Variants in KHDRBS2 observed in about 807,000 individuals in gnomAD.
KHDRBS2 encodes KH RNA binding domain containing, signal transduction associated 2, also known as KH domain-containing, RNA-binding, signal transduction-associated protein 2.
A neutral mutation model predicts 44.3 loss-of-function variants in KHDRBS2; 26 were observed. That is an observed-to-expected ratio of 0.59 (90% confidence interval 0.43 to 0.81). The LOEUF is 0.81. KHDRBS2 is among the 40% of genes least tolerant of loss of function. KHDRBS2 has a pLI of 0.00. For missense variants in KHDRBS2, 476 were observed against 433.1 expected (o/e 1.10, Z -0.88); for synonymous variants, 194 against 151.1 (o/e 1.28, Z -2.08).
chr6:62,058,445 A>C (rs1702041716), intron 2 of KHDRBS2, among the ~76,000 whole-genome samples: 2 of 151,914 alleles, frequency 1.3e-5, no homozygotes, highest in Non-Finnish European at 2.9e-5. Context: ...GAATTCACAC[A>C]GCGACTGTTC....
At chr6:61,847,277 T>C (rs1439565329) in intron 6 of KHDRBS2, among the ~76,000 whole-genome samples, 32 of 152,150 alleles carry the variant, frequency 2.1e-4, no homozygotes, top group Admixed American at 2.0e-3. Context: ...AGAAAACTTA[T>C]ATTTGTAAAT....
intron 4 of KHDRBS2, among the ~76,000 whole-genome samples, chr6:61,971,339 T>C (rs1328593480): frequency 6.6e-6 from 1 of 152,120 alleles, no homozygotes; most frequent in Non-Finnish European, 1.5e-5. Context: ...GAAGAATCAA[T>C]ACATTTTTCA....
intron 3 of KHDRBS2, among the ~76,000 whole-genome samples, chr6:62,034,801 A>G (rs1362700861): frequency 2.0e-5 from 3 of 151,856 alleles, no homozygotes; most frequent in Non-Finnish European, 2.9e-5. Flanking sequence ...AAAAAATCTA[A>G]TAATCTGATT....
intron 1 of KHDRBS2, among the ~76,000 whole-genome samples, chr6:62,228,710 C>A (rs1263072286): frequency 2.6e-5 from 4 of 151,908 alleles, no homozygotes; most frequent in Non-Finnish European, 5.9e-5. Flanking sequence ...TAGCTGTGTC[C>A]CAGCTAATCT....
chr6:62,065,475 C>A (rs1793391804), intron 2 of KHDRBS2, among the ~76,000 whole-genome samples: 1 of 151,796 alleles, frequency 6.6e-6, no homozygotes, highest in African/African-American at 2.4e-5. Context: ...GAGTTCATAT[C>A]CTTTGTAGGG....
In KHDRBS2 at chr6:61,814,175, G is replaced by A. The variant is rs1294667000; in HGVS notation, c.810+80460C>T. ...AACAGATATCAAGTGAATTCTTCAG[G>A]ATGGAATGGTGTTTACTTATTGAAT... On this transcript the variant is annotated intron_variant, in intron 6 of 8. Coordinates refer to ENST00000281156, the MANE Select transcript of KHDRBS2 (RefSeq NM_152688.4). Among the ~76,000 whole-genome samples, 13 of 152,304 alleles carry A rather than the reference G, an allele frequency of 8.5e-5. 1 individual carries two copies. In the Middle Eastern group the frequency reaches 0.01, roughly 120 times the overall value.
At chr6:61,779,173 A>G (rs1401971694) in intron 6 of KHDRBS2, among the ~76,000 whole-genome samples, 1 of 152,148 alleles carries the variant, frequency 6.6e-6, no homozygotes, top group Non-Finnish European at 1.5e-5. Context: ...TACATTAAAT[A>G]TATAAATGTA....
intron 6 of KHDRBS2, among the ~76,000 whole-genome samples, chr6:61,806,484 C>A (rs62416609): frequency 0.18 from 27,498 of 152,148 alleles, 2,604 homozygotes; most frequent in Non-Finnish European, 0.2. Context: ...GGATTTGAAT[C>A]AAAATTGCTT....
intron 1 of KHDRBS2, among the ~76,000 whole-genome samples, chr6:62,262,703 T>A (rs537120314): frequency 6.6e-6 from 1 of 151,824 alleles, no homozygotes; most frequent in African/African-American, 2.4e-5. Context: ...TTATCTTTGA[T>A]TCCTACATCT....
intron 4 of KHDRBS2, among the ~76,000 whole-genome samples, chr6:61,943,885 G>A (rs1472661065): frequency 1.3e-5 from 2 of 152,040 alleles, no homozygotes; most frequent in African/African-American, 2.4e-5. Flanking sequence ...ATATAGTGAC[G>A]ACAAAGAGGT....
chr6:61,562,743 A>T, the KHDRBS2 span, among the ~76,000 whole-genome samples: 1 of 152,094 alleles, frequency 6.6e-6, no homozygotes, highest in African/African-American at 2.4e-5. Flanking sequence ...ACACGAAACT[A>T]TCTCCTGTAA....
intron 4 of KHDRBS2, among the ~76,000 whole-genome samples, chr6:61,973,213 A>G (rs1400381060): frequency 6.6e-6 from 1 of 152,198 alleles, no homozygotes. Context: ...ACACATTTTT[A>G]TATTTATCAT....
At chr6:61,695,090 T>C (rs1226125627) in intron 8 of KHDRBS2, among the ~76,000 whole-genome samples, 2 of 152,092 alleles carry the variant, frequency 1.3e-5, no homozygotes, top group Non-Finnish European at 2.9e-5. Context: ...TTTTGAGAAA[T>C]CCTAATTTAG....
chr6:62,184,320 C>A (rs1822986137), intron 1 of KHDRBS2, among the ~76,000 whole-genome samples: 1 of 151,646 alleles, frequency 6.6e-6, no homozygotes, highest in African/African-American at 2.4e-5. Flanking sequence ...CTTTGATACT[C>A]ACGAGAAAGA....
intron 6 of KHDRBS2, among the ~76,000 whole-genome samples, chr6:61,797,728 TGTG>T (rs1785585835): frequency 1.9e-4 from 3 of 16,016 alleles, no homozygotes; most frequent in Non-Finnish European, 3.1e-4. Flanking sequence ...TGGTGTTTTG[TGTG>T]TGTGTGTGTG....
intron 6 of KHDRBS2, among the ~76,000 whole-genome samples, chr6:61,778,304 G>A (rs773739208): frequency 1.8e-4 from 28 of 151,852 alleles, no homozygotes; most frequent in Non-Finnish European, 3.8e-4. Context: ...TTTATGCCTG[G>A]GACTGTGCAA....
intron 6 of KHDRBS2, among the ~76,000 whole-genome samples, chr6:61,758,242 C>G (rs1778798345): frequency 6.6e-6 from 1 of 152,064 alleles, no homozygotes; most frequent in Non-Finnish European, 1.5e-5. Flanking sequence ...TCTTCCCTAT[C>G]AGATGTCCAA....
At chr6:61,702,136 A>G (rs1233237689) in intron 7 of KHDRBS2, among the ~76,000 whole-genome samples, 2 of 151,898 alleles carry the variant, frequency 1.3e-5, no homozygotes, top group Non-Finnish European at 2.9e-5. Flanking sequence ...GTTCCCCTCT[A>G]CAACCAATCT....
chr6:61,695,216 C>G (rs897392302), intron 8 of KHDRBS2, among the ~76,000 whole-genome samples: 1 of 113,988 alleles, frequency 8.8e-6, no homozygotes, highest in Non-Finnish European at 2.0e-5. Context: ...GCTCCCACCT[C>G]CTGACAAAAC....
Sources: allele counts gnomAD v4.1 joint callset (sites outside exome capture counted in the v4.1 genomes callset), GRCh38; gene constraint gnomAD v4.1.1; transcripts MANE v1.5; gene names NCBI Gene and HGNC (gene_info 2026-07-23, HGNC 2026-07-21).